Variants in CFTR observed in about 807,000 individuals in gnomAD.
The protein encoded by CFTR is cystic fibrosis transmembrane conductance regulator.
Under a neutral mutation model 171.6 loss-of-function variants are expected in CFTR, and 181 were observed. The ratio of observed to expected loss-of-function variants is 1.05; its 90% CI spans 0.93 to 1.19. The LOEUF (loss-of-function observed/expected upper bound fraction) is 1.19. Among genes scored for constraint, CFTR ranks in the 50% most tolerant of loss-of-function variants. CFTR has a pLI of 0.00. For missense variants in CFTR, 1,968 were observed against 1,734.7 expected (o/e 1.13, Z -2.39); for synonymous variants, 583 against 608.0 (o/e 0.96, Z 0.60).
intron 3 of CFTR, among the ~76,000 whole-genome samples, chr7:117,518,456 A>C (rs1277055587): frequency 6.8e-6 from 1 of 147,548 alleles, no homozygotes; most frequent in Admixed American, 6.8e-5. Flanking sequence ...TAACATATAC[A>C]TATGTGTATA....
At chr7:117,578,924 T>C (rs1303085081) in intron 11 of CFTR, among the ~76,000 whole-genome samples, 1 of 152,098 alleles carries the variant, frequency 6.6e-6, no homozygotes, top group African/African-American at 2.4e-5. Context: ...CTTTTTTTTT[T>C]AACAGTTGCT....
intron 22 of CFTR, among the ~76,000 whole-genome samples, chr7:117,635,150 A>G (rs117022476): frequency 6.6e-6 from 1 of 152,170 alleles, no homozygotes; most frequent in African/African-American, 2.4e-5. Context: ...AAACATACAC[A>G]TGAAGAATTG....
chr7:117,536,157 TA>T (rs1798951746), intron 6 of CFTR, among the ~76,000 whole-genome samples: 1 of 152,222 alleles, frequency 6.6e-6, no homozygotes, highest in Non-Finnish European at 1.5e-5. Flanking sequence ...GTTTGTCAGC[TA>T]GAGTATGACA....
chr7:117,601,758 C>T (rs1396396571), intron 15 of CFTR, among the ~76,000 whole-genome samples: 1 of 152,036 alleles, frequency 6.6e-6, no homozygotes, highest in Non-Finnish European at 1.5e-5. Context: ...ATAGTATCAA[C>T]ACAAGATTAA....
intron 11 of CFTR, among the ~76,000 whole-genome samples, chr7:117,580,645 A>T (rs1020282144): frequency 2.6e-5 from 4 of 152,060 alleles, no homozygotes; most frequent in Admixed American, 6.6e-5. Flanking sequence ...ATCACATAGC[A>T]TCTAATAAAC....
At chr7:117,640,504 A>G (rs1226627161) in intron 22 of CFTR, among the ~76,000 whole-genome samples, 1 of 152,132 alleles carries the variant, frequency 6.6e-6, no homozygotes, top group East Asian at 1.9e-4. Context: ...AATCTGACTA[A>G]TGATAACAAG....
At chr7:117,659,707 A>T (rs1178354404) in intron 24 of CFTR, among the ~76,000 whole-genome samples, 1 of 152,234 alleles carries the variant, frequency 6.6e-6, no homozygotes, top group Non-Finnish European at 1.5e-5. Context: ...CTTTTTCAAT[A>T]CTTATAAAAT....
chr7:117,614,240 A>G (rs1792448392), intron 20 of CFTR, among the ~76,000 whole-genome samples: 1 of 151,972 alleles, frequency 6.6e-6, no homozygotes, highest in African/African-American at 2.4e-5. Context: ...TGGATACAGG[A>G]TCTCTTTTCC....
At chr7:117,576,060 A>T (rs1428609774) in intron 11 of CFTR, among the ~76,000 whole-genome samples, 2 of 152,068 alleles carry the variant, frequency 1.3e-5, no homozygotes, top group Non-Finnish European at 2.9e-5. Context: ...CATTAGAATT[A>T]ATTTTTGTAT....
intron 20 of CFTR, among the ~76,000 whole-genome samples, chr7:117,612,824 G>A (rs1584823348): frequency 6.6e-6 from 1 of 152,074 alleles, no homozygotes. Flanking sequence ...TTTTGTGGTT[G>A]CTTCATTCCT....
At chr7:117,619,833 C>A (rs1792547582) in intron 21 of CFTR, among the ~76,000 whole-genome samples, 1 of 152,128 alleles carries the variant, frequency 6.6e-6, no homozygotes, top group African/African-American at 2.4e-5. Flanking sequence ...AAGATTGATG[C>A]AATCTGAGAA....
rs1359132747 is a variant in CFTR, at chr7:117,668,028, C to T, written c.*920C>T. On this transcript the variant is annotated 3_prime_UTR_variant, in exon 27 of 27. Coordinates refer to ENST00000003084, the MANE Select transcript of CFTR (RefSeq NM_000492.4). ...GGTAGAGGGTGTGTAAGTAGATAGG[C>T]CATGGGCACTGTGGGTAGACACACA... 3 of 152,184 alleles carry T rather than the reference C, an allele frequency of 2.0e-5. No individual in the cohort carries two copies. The highest frequency in any genetic ancestry group is 4.8e-5 in the African/African-American group (2 of 41,432). The allele number at this position is 152,184 out of a possible 1,614,324, so 9.4% of individuals were successfully genotyped here. A position where few individuals can be genotyped will look rare whatever the true frequency, so the allele number is the denominator to read the frequency against.
chr7:117,599,922 TC>T, intron 15 of CFTR, among the ~76,000 whole-genome samples: 1 of 152,228 alleles, frequency 6.6e-6, no homozygotes, highest in South Asian at 2.1e-4. Context: ...TTCTTTTAAA[TC>T]CAATTGAGAG....
chr7:117,648,606 G>T (rs1213942159), intron 23 of CFTR, among the ~76,000 whole-genome samples: 1 of 152,100 alleles, frequency 6.6e-6, no homozygotes, highest in Non-Finnish European at 1.5e-5. Context: ...ATAGTTTCAG[G>T]TATATTTTTG....
intron 11 of CFTR, among the ~76,000 whole-genome samples, chr7:117,567,235 A>G (rs1412419630): frequency 2.0e-5 from 3 of 152,206 alleles, no homozygotes; most frequent in Non-Finnish European, 4.4e-5. Context: ...TGTTTAATTT[A>G]AGGAGGTCAA....
intron 3 of CFTR, among the ~76,000 whole-genome samples, chr7:117,515,463 G>C (rs2116649648): frequency 6.6e-6 from 1 of 152,242 alleles, no homozygotes; most frequent in Admixed American, 6.5e-5. Context: ...GATGGTTGTA[G>C]ATGTGTGGTG....
At chr7:117,610,427 A>G in intron 18 of CFTR, 92 bp from the exon 19 acceptor site, 2 of 591,310 alleles carry the variant, frequency 3.4e-6, no homozygotes, top group Admixed American at 4.2e-5. Flanking sequence ...AAAGTATGCA[A>G]AAAAAAAAAA....
At chr7:117,664,415 A>G (rs996504476) in intron 24 of CFTR, among the ~76,000 whole-genome samples, 10 of 152,146 alleles carry the variant, frequency 6.6e-5, no homozygotes, top group African/African-American at 2.4e-4. Context: ...TTTTCTTACT[A>G]CTTTTTGGGA....
chr7:117,605,873 G>A (rs1792292748), intron 17 of CFTR, among the ~76,000 whole-genome samples: 1 of 152,142 alleles, frequency 6.6e-6, no homozygotes, highest in Non-Finnish European at 1.5e-5. Context: ...ACTTTATCCT[G>A]CAGTTTATGG....
Sources: allele counts gnomAD v4.1 joint callset (sites outside exome capture counted in the v4.1 genomes callset), GRCh38; gene constraint gnomAD v4.1.1; transcripts MANE v1.5; gene names NCBI Gene and HGNC (gene_info 2026-07-23, HGNC 2026-07-21).